Variants in CRACD observed in about 807,000 individuals in gnomAD.
CRACD encodes the protein capping protein inhibiting regulator of actin dynamics.
In CRACD, 56 loss-of-function variants were observed where a neutral mutation model predicts 106.8. The observed-to-expected ratio is 0.52, with a 90% CI of 0.42 to 0.66. The LOEUF is 0.66. Among genes scored for constraint, CRACD ranks in the 30% least tolerant of loss-of-function variants. The pLI is 0.00. For missense variants in CRACD, 1,730 were observed against 1,623.2 expected (o/e 1.07, Z -1.13); for synonymous variants, 754 against 670.8 (o/e 1.12, Z -1.92).
Position 56,324,155 on chromosome 4 carries a change from C to T in CRACD, c.3430C>T (p.Leu1144=). The change falls in exon 10 of 11, where the codon CTG becomes TTG. Residue 1144 remains leucine (L), a synonymous_variant. Coordinates refer to ENST00000682029, the MANE Select transcript of CRACD (RefSeq NM_001393381.1). The part of the protein sequence containing the change: ...GSSSVSRAGS[L]HKSTALPEEK... Reference sequence around the variant, plus strand: ...CAGCAGTGTCAGCAGAGCAGGTTCCCTGCACAAGTCCACTGCTCTGCCAGA... The same window carrying T: ...CAGCAGTGTCAGCAGAGCAGGTTCCTTGCACAAGTCCACTGCTCTGCCAGA... 6.2e-7 allele frequency: 1 copy of T among 1,614,154 alleles called. No homozygotes were observed. Among genetic ancestry groups the T allele is most frequent in the South Asian group, 1.1e-5 (1 of 91,068 alleles).
intron 1 of CRACD, among the ~76,000 whole-genome samples, chr4:56,087,304 C>T (rs560487913): frequency 4.6e-5 from 7 of 152,248 alleles, no homozygotes; most frequent in East Asian, 1.9e-4. Flanking sequence ...TGAGCCACCG[C>T]GCCCAGCCCT....
At chr4:56,125,764 C>CTTCTTTTTTTT (rs1420481544) in intron 1 of CRACD, among the ~76,000 whole-genome samples, 75 of 73,316 alleles carry the variant, frequency 1.0e-3, no homozygotes, top group Middle Eastern at 0.012. Context: ...CATTCTTCTT[C>CTTCTTTTTTTT]TTTTTTTTTT....
chr4:56,303,619 C>T (rs1744496864), intron 4 of CRACD, among the ~76,000 whole-genome samples: 1 of 152,194 alleles, frequency 6.6e-6, no homozygotes, highest in Non-Finnish European at 1.5e-5. Flanking sequence ...ATTGTTGATA[C>T]AATAAATCAC....
At chr4:56,119,470 A>G (rs1019479963) in intron 1 of CRACD, among the ~76,000 whole-genome samples, 2 of 151,824 alleles carry the variant, frequency 1.3e-5, no homozygotes, top group African/African-American at 4.8e-5. Flanking sequence ...AGCTGGGACT[A>G]CAGGTGCATG....
At chr4:56,192,108 C>T (rs1051653171) in intron 2 of CRACD, among the ~76,000 whole-genome samples, 2 of 152,126 alleles carry the variant, frequency 1.3e-5, no homozygotes, top group African/African-American at 4.8e-5. Context: ...AGAAGGTATA[C>T]TGGCCAGGCG....
At chr4:56,270,573 G>A (rs949568967) in intron 2 of CRACD, among the ~76,000 whole-genome samples, 19 of 152,042 alleles carry the variant, frequency 1.2e-4, no homozygotes, top group African/African-American at 4.3e-4. Flanking sequence ...TTCTTGTTGC[G>A]AGCCTCTATC....
intron 1 of CRACD, among the ~76,000 whole-genome samples, chr4:56,176,901 G>A (rs185016283): frequency 6.6e-6 from 1 of 152,074 alleles, no homozygotes; most frequent in African/African-American, 2.4e-5. Context: ...ACTGATTTTT[G>A]TATGTTAATT....
intron 1 of CRACD, among the ~76,000 whole-genome samples, chr4:56,126,606 T>C (rs1258735163): frequency 6.6e-6 from 1 of 152,232 alleles, no homozygotes; most frequent in Non-Finnish European, 1.5e-5. Context: ...ACTTTGAAAT[T>C]GTTTTAACCA....
chr4:56,325,567 T>A (rs183215507), intron 10 of CRACD, among the ~76,000 whole-genome samples: 3 of 152,334 alleles, frequency 2.0e-5, no homozygotes, highest in Non-Finnish European at 2.9e-5. Context: ...TGATGTTAAT[T>A]AACAACAGCA....
At position 56,316,173 on chromosome 4, in the gene CRACD, G is replaced by A. The variant is rs759938992; in HGVS notation, c.2671G>A (p.Gly891Arg). Residue 891 changes from glycine (G) to arginine (R), a missense_variant, in exon 8 of 11, where the codon GGA becomes AGA. By Grantham distance (125) the Gly-to-Arg change is moderately radical. Coordinates refer to ENST00000682029, the MANE Select transcript of CRACD (RefSeq NM_001393381.1). ...AGPPAAGSAR[G>R]EKEMEGVALK... ...GCCGCCTGCAGCGGGGAGCGCTCGT[G>A]GAGAGAAAGAGATGGAGGGTGTGGC... 6.2e-7 allele frequency: 1 copy of A among 1,614,146 alleles called. No homozygotes were observed. The highest frequency in any genetic ancestry group is 8.5e-7 in the Non-Finnish European group (1 of 1,180,012).
chr4:56,107,437 T>C (rs1435796531), intron 1 of CRACD, among the ~76,000 whole-genome samples: 1 of 152,208 alleles, frequency 6.6e-6, no homozygotes, highest in Non-Finnish European at 1.5e-5. Context: ...CATACATGCT[T>C]AGTAAATTTT....
At chr4:56,083,189 C>A (rs923379555) in intron 1 of CRACD, among the ~76,000 whole-genome samples, 1 of 152,134 alleles carries the variant, frequency 6.6e-6, no homozygotes, top group Non-Finnish European at 1.5e-5. Context: ...AGGACCAAAT[C>A]TTTATCTGAA....
intron 1 of CRACD, among the ~76,000 whole-genome samples, chr4:56,136,167 G>C (rs1734992547): frequency 6.6e-6 from 1 of 151,864 alleles, no homozygotes; most frequent in African/African-American, 2.4e-5. Context: ...TTCTTCTGTT[G>C]ATAGAAATTT....
In CRACD at chr4:56,117,536, T is replaced by C. The variant is rs557885805; in HGVS notation, c.-335-61748T>C. ...AGAGGAGGGGGTGGGGGGAGGAAAA[T>C]GGGGAGTTATTGTTTAATGGATACA... On this transcript the variant is annotated intron_variant, in intron 1 of 10. Coordinates refer to ENST00000682029, the MANE Select transcript of CRACD (RefSeq NM_001393381.1). 5.3e-5 allele frequency among the ~76,000 whole-genome samples: 8 copies of C among 150,262 alleles called. No homozygotes were observed. The East Asian group carries it at 1.6e-3, about 30-fold the overall frequency.
chr4:56,250,453 A>G (rs1179252365), intron 2 of CRACD, among the ~76,000 whole-genome samples: 1 of 152,192 alleles, frequency 6.6e-6, no homozygotes, highest in African/African-American at 2.4e-5. Flanking sequence ...CAAACAAGAG[A>G]GCAGAAACTT....
At chr4:56,212,137 G>A (rs889901892) in intron 2 of CRACD, among the ~76,000 whole-genome samples, 11 of 152,176 alleles carry the variant, frequency 7.2e-5, no homozygotes, top group African/African-American at 1.7e-4. Flanking sequence ...CCAAGATGGC[G>A]ATGAGAGTCA....
intron 1 of CRACD, among the ~76,000 whole-genome samples, chr4:56,176,431 CTTTT>C (rs3036818): frequency 3.6e-5 from 5 of 137,230 alleles, no homozygotes; most frequent in African/African-American, 1.1e-4. Context: ...CTTCCAATTT[CTTTT>C]TTTTTTTTTT....
chr4:56,188,711 C>CACACACACACACAGAGAGAGAG (rs1446016845), intron 2 of CRACD, among the ~76,000 whole-genome samples: 36 of 113,136 alleles, frequency 3.2e-4, no homozygotes, highest in African/African-American at 1.4e-3. Context: ...CACACACACA[C>CACACACACACACAGAGAGAGAG]AGAGAGAGAG....
At chr4:56,176,361 C>T (rs1411827295) in intron 1 of CRACD, among the ~76,000 whole-genome samples, 6 of 151,436 alleles carry the variant, frequency 4.0e-5, no homozygotes, top group Non-Finnish European at 8.8e-5. Flanking sequence ...CTATAGATCA[C>T]GTTAAGTAGT....
Sources: gnomAD v4.1 joint callset for allele counts (sites outside exome capture counted in the v4.1 genomes callset) on GRCh38, gnomAD v4.1.1 for gene constraint, MANE v1.5 for transcripts, NCBI Gene and HGNC (gene_info 2026-07-23, HGNC 2026-07-21) for gene names.